HSD17B12: variants seen among roughly 807,000 people sequenced by gnomAD.
HSD17B12 encodes very-long-chain 3-oxoacyl-CoA reductase.
A neutral mutation model predicts 39.3 loss-of-function variants in HSD17B12; 32 were observed. That is an observed-to-expected ratio of 0.81 (90% CI 0.61 to 1.09). The LOEUF is 1.09. Ranked by LOEUF, HSD17B12 falls within the 50% of genes least tolerant of loss-of-function variation. HSD17B12 has a pLI of 0.00. For synonymous variants in HSD17B12, 150 were observed against 146.7 expected (o/e 1.02, Z -0.16); for missense variants, 342 against 382.9 (o/e 0.89, Z 0.89).
At chr11:43,565,276 C>G in the HSD17B12 span, among the ~76,000 whole-genome samples, 1 of 152,198 alleles carries the variant, frequency 6.6e-6, no homozygotes, top group East Asian at 1.9e-4. Flanking sequence ...TCCATGTAAT[C>G]AGAAGTCCAC....
At chr11:43,594,324 T>C in the HSD17B12 span, among the ~76,000 whole-genome samples, 1 of 151,978 alleles carries the variant, frequency 6.6e-6, no homozygotes, top group Non-Finnish European at 1.5e-5. Context: ...TATTTGAAAA[T>C]ATACAGATTT....
the HSD17B12 span, among the ~76,000 whole-genome samples, chr11:43,607,276 CTGAG>C: frequency 5.6e-5 from 6 of 107,206 alleles, no homozygotes; most frequent in Non-Finnish European, 1.1e-4. Flanking sequence ...ACGTGTGCTC[CTGAG>C]TGTGTGTGTG....
the HSD17B12 span, among the ~76,000 whole-genome samples, chr11:43,604,250 T>C: frequency 6.6e-6 from 1 of 152,222 alleles, no homozygotes; most frequent in South Asian, 2.1e-4. Flanking sequence ...TTATCGTATA[T>C]AACTAGATAT....
chr11:43,854,679 A>G, intron 9 of HSD17B12, 36 bp from the exon 10 acceptor site: 2 of 1,610,406 alleles, frequency 1.2e-6, no homozygotes, highest in Non-Finnish European at 1.7e-6. Flanking sequence ...TTACTAATCA[A>G]TGGCATGTTT....
intron 2 of HSD17B12, among the ~76,000 whole-genome samples, chr11:43,753,705 T>TG (rs1950485653): frequency 6.6e-6 from 1 of 151,946 alleles, no homozygotes; most frequent in Non-Finnish European, 1.5e-5. Flanking sequence ...TGAACCACTG[T>TG]GCTTGGCATA....
intron 6 of HSD17B12, among the ~76,000 whole-genome samples, chr11:43,827,307 T>C (rs1011582501): frequency 2.6e-5 from 4 of 152,210 alleles, no homozygotes; most frequent in African/African-American, 9.7e-5. Flanking sequence ...GCAATCATGT[T>C]TTCTTTGTAC....
chr11:43,571,416 C>T, the HSD17B12 span, among the ~76,000 whole-genome samples: 26 of 152,160 alleles, frequency 1.7e-4, no homozygotes, highest in Admixed American at 1.2e-3. Context: ...GCTTTAGCTC[C>T]CCTGTCTTTG....
At chr11:43,756,431 C>A (rs779816393) in intron 3 of HSD17B12, among the ~76,000 whole-genome samples, 2 of 152,016 alleles carry the variant, frequency 1.3e-5, no homozygotes, top group African/African-American at 2.4e-5. Flanking sequence ...CACTAATGAG[C>A]CTGAGGTAGT....
intron 1 of HSD17B12, among the ~76,000 whole-genome samples, chr11:43,750,432 T>G (rs573607876): frequency 2.0e-5 from 3 of 152,170 alleles, no homozygotes; most frequent in Non-Finnish European, 4.4e-5. Flanking sequence ...GTTTTCTCTT[T>G]TATTGCTGTT....
the HSD17B12 span, among the ~76,000 whole-genome samples, chr11:43,662,533 A>AAGAAAAAG: frequency 1.4e-4 from 22 of 151,974 alleles, no homozygotes; most frequent in African/African-American, 5.3e-4. Flanking sequence ...AAAAAAAAAA[A>AAGAAAAAG]AGAAAAAGAA....
chr11:43,760,038 A>G (rs2134962991), intron 3 of HSD17B12, among the ~76,000 whole-genome samples: 1 of 152,156 alleles, frequency 6.6e-6, no homozygotes, highest in South Asian at 2.1e-4. Flanking sequence ...TGGGAATAAG[A>G]GGCACGTGCC....
the HSD17B12 span, among the ~76,000 whole-genome samples, chr11:43,653,022 A>T: frequency 6.6e-6 from 1 of 152,028 alleles, no homozygotes; most frequent in South Asian, 2.1e-4. Context: ...CCCTTCTGAA[A>T]TGAGGGTCTT....
At chr11:43,729,414 A>G (rs182831418) in intron 1 of HSD17B12, among the ~76,000 whole-genome samples, 1 of 152,222 alleles carries the variant, frequency 6.6e-6, no homozygotes, top group African/African-American at 2.4e-5. Flanking sequence ...TAACAGCACA[A>G]CTATAACTTC....
intron 3 of HSD17B12, among the ~76,000 whole-genome samples, chr11:43,770,062 A>C (rs1950634239): frequency 1.3e-5 from 2 of 152,132 alleles, no homozygotes; most frequent in Admixed American, 1.3e-4. Context: ...TCTTCTCTAA[A>C]AGCTAACTTT....
At chr11:43,854,475 T>C in intron 9 of HSD17B12, 1 of 442,934 alleles carries the variant, frequency 2.3e-6, no homozygotes, top group Non-Finnish European at 4.0e-6. Flanking sequence ...TTTCTGCTTA[T>C]TTTTAATACT....
chr11:43,681,689 A>G (rs1949746639), intron 1 of HSD17B12, among the ~76,000 whole-genome samples: 2 of 151,118 alleles, frequency 1.3e-5, no homozygotes, highest in African/African-American at 2.4e-5. Flanking sequence ...TTTTTTTCAC[A>G]AGGACGTTTG....
chr11:43,574,655 C>T, the HSD17B12 span, among the ~76,000 whole-genome samples: 12 of 152,202 alleles, frequency 7.9e-5, no homozygotes, highest in Non-Finnish European at 1.5e-4. Flanking sequence ...CACATCCACA[C>T]ACACATGCAC....
chr11:43,644,696 A>C, the HSD17B12 span: 1 of 152,782 alleles, frequency 6.5e-6, no homozygotes, highest in Non-Finnish European at 1.5e-5. Flanking sequence ...CAAGAACTGG[A>C]ATTTTGTAAG....
chr11:43,688,104 C>T (rs1400628808), intron 1 of HSD17B12, among the ~76,000 whole-genome samples: 4 of 151,746 alleles, frequency 2.6e-5, no homozygotes, highest in African/African-American at 4.8e-5. Flanking sequence ...CCCCGCTACT[C>T]GGGAGGCTGA....
Sources: gnomAD v4.1 joint callset for allele counts (sites outside exome capture counted in the v4.1 genomes callset) on GRCh38, gnomAD v4.1.1 for gene constraint, MANE v1.5 for transcripts, NCBI Gene and HGNC (gene_info 2026-07-23, HGNC 2026-07-21) for gene names.